AUTS2: variants seen among roughly 807,000 people sequenced by gnomAD.
AUTS2 encodes the protein activator of transcription and developmental regulator AUTS2, also known as autism susceptibility gene 2 protein.
In AUTS2, 17 loss-of-function variants were observed where a neutral mutation model predicts 112.4. That is an observed-to-expected ratio of 0.15 (90% CI 0.10 to 0.23). The LOEUF is 0.23. Among genes scored for constraint, AUTS2 ranks in the 10% least tolerant of loss-of-function variants. The probability of loss-of-function intolerance (pLI) is 1.00; values close to 1 mark genes in which losing one functional copy is unlikely to be tolerated. For missense variants in AUTS2, 1,510 were observed against 1,701.6 expected (o/e 0.89, Z 1.98); for synonymous variants, 751 against 702.7 (o/e 1.07, Z -1.09).
chr7:69,817,938 G>A (rs1283435148), intron 1 of AUTS2, among the ~76,000 whole-genome samples: 3 of 152,206 alleles, frequency 2.0e-5, no homozygotes, highest in African/African-American at 7.2e-5. Flanking sequence ...GAGACCCACA[G>A]CATGGATGCT....
chr7:70,321,922 C>A (rs1163537636), intron 4 of AUTS2, among the ~76,000 whole-genome samples: 1 of 151,946 alleles, frequency 6.6e-6, no homozygotes, highest in Non-Finnish European at 1.5e-5. Flanking sequence ...TCCCAAGAAG[C>A]CTGAAAAACT....
At chr7:70,220,636 C>A (rs1331866827) in intron 4 of AUTS2, among the ~76,000 whole-genome samples, 1 of 152,062 alleles carries the variant, frequency 6.6e-6, no homozygotes, top group Non-Finnish European at 1.5e-5. Context: ...TGGCTAGCTA[C>A]GGATGCATGG....
rs140045308 is a variant in AUTS2 at position 69,910,149 on chromosome 7, G to A, written c.522+10651G>A. Among the ~76,000 whole-genome samples the A allele has an allele frequency of 4.1e-3, 624 of 152,320 alleles. 5 individuals carry two copies. Among genetic ancestry groups the A allele is most frequent in the African/African-American group, 0.014 (576 of 41,568 alleles). The stretch of plus-strand genomic sequence containing the variant: ...CTCAGATAAACATGGCAGTAGGAAG[G>A]ATAGGGAAAGGTGTTGAGGGGATGT... On this transcript the variant is annotated intron_variant, in intron 2 of 18. Coordinates refer to ENST00000342771, the MANE Select transcript of AUTS2 (RefSeq NM_015570.4).
chr7:69,624,462 A>G (rs1378825132), intron 1 of AUTS2, among the ~76,000 whole-genome samples: 1 of 152,182 alleles, frequency 6.6e-6, no homozygotes, highest in Non-Finnish European at 1.5e-5. Flanking sequence ...AGAATCATTC[A>G]ATTCTTAGTG....
chr7:69,761,712 T>C (rs143271297), intron 1 of AUTS2, among the ~76,000 whole-genome samples: 1 of 152,292 alleles, frequency 6.6e-6, no homozygotes, highest in East Asian at 1.9e-4. Context: ...ATCCCCTTGC[T>C]CTCACAGATG....
At chr7:70,028,653 C>T (rs894109330) in intron 2 of AUTS2, among the ~76,000 whole-genome samples, 5 of 152,022 alleles carry the variant, frequency 3.3e-5, no homozygotes, top group Non-Finnish European at 5.9e-5. Flanking sequence ...CTTGTTTGTT[C>T]CTCCTCCTCC....
chr7:69,732,240 T>G (rs1786830303), intron 1 of AUTS2, among the ~76,000 whole-genome samples: 1 of 152,150 alleles, frequency 6.6e-6, no homozygotes, highest in Non-Finnish European at 1.5e-5. Context: ...TCCCTCCCCT[T>G]TGGTATTCAT....
At chr7:70,178,628 C>T (rs954068972) in intron 4 of AUTS2, among the ~76,000 whole-genome samples, 2 of 151,970 alleles carry the variant, frequency 1.3e-5, no homozygotes, top group Admixed American at 6.5e-5. Flanking sequence ...GACGAATCCC[C>T]GTCTCTACTA....
chr7:70,440,382 C>G (rs1796078070), intron 5 of AUTS2, among the ~76,000 whole-genome samples: 1 of 152,098 alleles, frequency 6.6e-6, no homozygotes, highest in South Asian at 2.1e-4. Flanking sequence ...ACACTGCACT[C>G]CAGCCTGAGT....
At chr7:70,235,857 A>G (rs536048146) in intron 4 of AUTS2, among the ~76,000 whole-genome samples, 1 of 151,954 alleles carries the variant, frequency 6.6e-6, no homozygotes, top group Non-Finnish European at 1.5e-5. Context: ...ACGTGATTTC[A>G]CTGTGTTGGC....
At chr7:69,707,011 C>T (rs1446231068) in intron 1 of AUTS2, among the ~76,000 whole-genome samples, 2 of 152,172 alleles carry the variant, frequency 1.3e-5, no homozygotes, top group East Asian at 3.9e-4. Flanking sequence ...TCTGATGCTT[C>T]TCTTTTCTTG....
chr7:69,798,319 G>C (rs996229907), intron 1 of AUTS2, among the ~76,000 whole-genome samples: 1 of 152,158 alleles, frequency 6.6e-6, no homozygotes, highest in Non-Finnish European at 1.5e-5. Context: ...TTTTCTCTAA[G>C]GTTGGGACAT....
intron 6 of AUTS2, among the ~76,000 whole-genome samples, chr7:70,727,625 G>A (rs1787116304): frequency 6.6e-6 from 1 of 152,214 alleles, no homozygotes; most frequent in Non-Finnish European, 1.5e-5. Context: ...TGGGATTACA[G>A]GCATGAACCA....
intron 1 of AUTS2, among the ~76,000 whole-genome samples, chr7:69,654,753 T>A (rs1479188087): frequency 1.3e-5 from 2 of 152,050 alleles, no homozygotes; most frequent in African/African-American, 4.8e-5. Flanking sequence ...CCTAAGCACT[T>A]ACTGTCTTTA....
chr7:70,484,811 A>G (rs1797921663), intron 5 of AUTS2, among the ~76,000 whole-genome samples: 1 of 152,230 alleles, frequency 6.6e-6, no homozygotes, highest in Non-Finnish European at 1.5e-5. Context: ...AACGTTTGTC[A>G]AAAGAAGTAC....
chr7:70,369,852 C>T (rs1484729055), intron 4 of AUTS2, among the ~76,000 whole-genome samples: 1 of 152,140 alleles, frequency 6.6e-6, no homozygotes, highest in Non-Finnish European at 1.5e-5. Context: ...TTCCTGTTAC[C>T]TTCAGAATAA....
intron 4 of AUTS2, among the ~76,000 whole-genome samples, chr7:70,369,123 C>T (rs1456853926): frequency 2.0e-5 from 3 of 152,164 alleles, no homozygotes; most frequent in South Asian, 2.1e-4. Context: ...GAAAAGGAAA[C>T]GCACAAAGAA....
intron 1 of AUTS2, among the ~76,000 whole-genome samples, chr7:69,654,759 C>T (rs1412877428): frequency 6.6e-6 from 1 of 151,742 alleles, no homozygotes; most frequent in Non-Finnish European, 1.5e-5. Context: ...CACTTACTGT[C>T]TTTATATTTT....
chr7:70,513,884 T>G (rs995109089), intron 5 of AUTS2, among the ~76,000 whole-genome samples: 2 of 152,158 alleles, frequency 1.3e-5, no homozygotes, highest in Non-Finnish European at 2.9e-5. Flanking sequence ...GGTCTCGAAC[T>G]CCTGACCTCA....
Sources: gnomAD v4.1 joint callset for allele counts (sites outside exome capture counted in the v4.1 genomes callset) on GRCh38, gnomAD v4.1.1 for gene constraint, MANE v1.5 for transcripts, NCBI Gene and HGNC (gene_info 2026-07-23, HGNC 2026-07-21) for gene names.